Variants in MCTP1 observed in about 807,000 individuals in gnomAD.
MCTP1 encodes multiple C2 and transmembrane domain containing 1, also known as multiple C2 and transmembrane domain-containing protein 1.
Under a neutral mutation model 120.6 loss-of-function variants are expected in MCTP1, and 69 were observed. That is an observed-to-expected ratio of 0.57 (90% CI 0.47 to 0.70). The LOEUF (loss-of-function observed/expected upper bound fraction) is 0.70, where lower values mean the gene tolerates loss of function less well. Ranked by LOEUF, MCTP1 falls within the 30% of genes least tolerant of loss-of-function variation. The pLI is 0.00. For missense variants in MCTP1, 1,203 were observed against 1,248.8 expected (o/e 0.96, Z 0.55); for synonymous variants, 529 against 493.1 (o/e 1.07, Z -0.96).
chr5:94,749,922 T>C (rs956673429), intron 19 of MCTP1, among the ~76,000 whole-genome samples: 1 of 152,170 alleles, frequency 6.6e-6, no homozygotes, highest in Non-Finnish European at 1.5e-5. Flanking sequence ...CAAGATCATT[T>C]AGGTACCAAA....
intron 19 of MCTP1, among the ~76,000 whole-genome samples, chr5:94,730,510 G>A (rs1295211928): frequency 1.3e-5 from 2 of 152,206 alleles, no homozygotes; most frequent in Non-Finnish European, 2.9e-5. Flanking sequence ...GAAAAGGGCA[G>A]ATGAAGAGTT....
intron 1 of MCTP1, among the ~76,000 whole-genome samples, chr5:95,273,178 G>T (rs188017935): frequency 6.6e-6 from 1 of 152,258 alleles, no homozygotes; most frequent in Non-Finnish European, 1.5e-5. Flanking sequence ...TGGAGTCCCA[G>T]TGTGGTGTGG....
chr5:94,777,691 C>G (rs1300938718), intron 19 of MCTP1, among the ~76,000 whole-genome samples: 1 of 152,098 alleles, frequency 6.6e-6, no homozygotes, highest in Non-Finnish European at 1.5e-5. Context: ...AATACAAGCT[C>G]TCTACAGCTC....
At chr5:95,172,030 C>G (rs992701881) in intron 1 of MCTP1, among the ~76,000 whole-genome samples, 2 of 152,114 alleles carry the variant, frequency 1.3e-5, no homozygotes, top group African/African-American at 2.4e-5. Flanking sequence ...TTTTCCCCAT[C>G]TTTGTAGTTT....
intron 1 of MCTP1, among the ~76,000 whole-genome samples, chr5:95,051,661 A>G (rs1745940822): frequency 6.6e-6 from 1 of 152,244 alleles, no homozygotes; most frequent in South Asian, 2.1e-4. Flanking sequence ...TATTTGAGAT[A>G]TACTATGCCA....
At chr5:95,034,436 T>C (rs1840873238) in intron 1 of MCTP1, among the ~76,000 whole-genome samples, 1 of 152,000 alleles carries the variant, frequency 6.6e-6, no homozygotes, top group African/African-American at 2.4e-5. Context: ...CACAACCAAC[T>C]GATCTTCAAA....
intron 1 of MCTP1, among the ~76,000 whole-genome samples, chr5:95,234,487 T>C (rs1755317277): frequency 6.6e-6 from 1 of 152,132 alleles, no homozygotes; most frequent in African/African-American, 2.4e-5. Context: ...CAGATACCAG[T>C]ACAAGTTGGG....
chr5:95,076,426 T>A (rs1753579402), intron 1 of MCTP1, among the ~76,000 whole-genome samples: 1 of 148,770 alleles, frequency 6.7e-6, no homozygotes, highest in Admixed American at 6.8e-5. Flanking sequence ...ATTTCAAGAT[T>A]CACAGGAACC....
chr5:95,004,302 G>A lies in MCTP1; in HGVS notation c.838+13065C>T, dbSNP rs60866867. 8.4e-3 allele frequency among the ~76,000 whole-genome samples: 1,285 copies of A among 152,302 alleles called. 17 individuals carry two copies. The highest frequency in any genetic ancestry group is 0.029 in the African/African-American group (1,219 of 41,544). On this transcript the variant is annotated intron_variant, in intron 2 of 22. Coordinates refer to ENST00000515393, the MANE Select transcript of MCTP1 (RefSeq NM_024717.7). ...CTGAAACTGAAACTTATATTTAAAAGGGAAGCAGGGCATACAAGTTTGGAA... is the reference window on the plus strand; with the variant it reads ...CTGAAACTGAAACTTATATTTAAAAAGGAAGCAGGGCATACAAGTTTGGAA...
chr5:94,965,698 C>T (rs1198802773), intron 2 of MCTP1, among the ~76,000 whole-genome samples: 1 of 152,136 alleles, frequency 6.6e-6, no homozygotes, highest in Non-Finnish European at 1.5e-5. Context: ...AATTCGTGCA[C>T]ATTTATTTCC....
intron 1 of MCTP1, among the ~76,000 whole-genome samples, chr5:95,168,119 G>A (rs1272883573): frequency 6.6e-6 from 1 of 152,170 alleles, no homozygotes; most frequent in African/African-American, 2.4e-5. Flanking sequence ...CATATGGCTA[G>A]CCAGTTTTCT....
rs566266354 is a variant in MCTP1, at chr5:94,978,699, G to T, written c.839-25338C>A. On this transcript the variant is annotated intron_variant, in intron 2 of 22. Transcript: ENST00000515393. ...TGGTGGATGCCAAGGGCTGGTAGTA[G>T]GGGTGGGGAATGGGGTGTTTCCAGT... Among the ~76,000 whole-genome samples the T allele has an allele frequency of 2.0e-5, 3 of 152,114 alleles. No individual in the cohort carries two copies. In the South Asian group the frequency reaches 6.2e-4, roughly 32 times the overall value.
intron 1 of MCTP1, among the ~76,000 whole-genome samples, chr5:95,166,568 AT>A (rs34176318): frequency 0.22 from 26,983 of 124,702 alleles, 1,616 homozygotes; most frequent in Admixed American, 0.28. Context: ...AATTTTAATC[AT>A]TTTTTTTTTT....
At position 95,043,675 on chromosome 5, in the gene MCTP1, C is replaced by A. The variant is rs187445334; in HGVS notation, c.721-26191G>T. 1.9e-4 allele frequency among the ~76,000 whole-genome samples: 29 copies of A among 152,290 alleles called. 1 individual carries two copies. The East Asian group carries it at 4.2e-3, about 22-fold the overall frequency. On this transcript the variant is annotated intron_variant, in intron 1 of 22. Coordinates refer to ENST00000515393, the MANE Select transcript of MCTP1 (RefSeq NM_024717.7). ...TGGAATAAAACAGATGCCTTAATTA[C>A]TAGTGAGACTGTCTTTCCTGTCTAT...
At chr5:94,744,635 C>A (rs1766449902) in intron 19 of MCTP1, among the ~76,000 whole-genome samples, 1 of 152,146 alleles carries the variant, frequency 6.6e-6, no homozygotes, top group Admixed American at 6.5e-5. Flanking sequence ...TTCTGAGTAG[C>A]TGGGATTACA....
intron 5 of MCTP1, among the ~76,000 whole-genome samples, chr5:94,935,002 A>G (rs995064632): frequency 2.0e-5 from 3 of 151,958 alleles, no homozygotes; most frequent in African/African-American, 7.2e-5. Flanking sequence ...TATGCACTAC[A>G]CACTTTTACA....
At chr5:95,196,032 A>C (rs1750355819) in intron 1 of MCTP1, among the ~76,000 whole-genome samples, 1 of 152,128 alleles carries the variant, frequency 6.6e-6, no homozygotes, top group African/African-American at 2.4e-5. Context: ...GCCAAATAGG[A>C]GACCACTGAG....
intron 1 of MCTP1, among the ~76,000 whole-genome samples, chr5:95,212,629 A>G (rs1752525602): frequency 1.3e-5 from 2 of 151,918 alleles, no homozygotes; most frequent in South Asian, 4.2e-4. Flanking sequence ...ATACTGGCAA[A>G]CCGAATCCAG....
At chr5:94,968,103 G>A (rs1826005455) in intron 2 of MCTP1, among the ~76,000 whole-genome samples, 1 of 152,078 alleles carries the variant, frequency 6.6e-6, no homozygotes, top group Non-Finnish European at 1.5e-5. Flanking sequence ...TTTTAATTTA[G>A]GTTCAGTGAA....
Sources: allele counts gnomAD v4.1 joint callset (sites outside exome capture counted in the v4.1 genomes callset), GRCh38; gene constraint gnomAD v4.1.1; transcripts MANE v1.5; gene names NCBI Gene and HGNC (gene_info 2026-07-23, HGNC 2026-07-21).